The following ARHGAP18 variants were observed in gnomAD, a reference collection of about 807,000 sequenced individuals.
The protein encoded by ARHGAP18 is rho GTPase-activating protein 18.
A neutral mutation model predicts 86.2 loss-of-function variants in ARHGAP18; 67 were observed. The ratio of observed to expected loss-of-function variants is 0.78; its 90% CI spans 0.64 to 0.95. ARHGAP18 has a LOEUF of 0.95. ARHGAP18 is among the 40% of genes least tolerant of loss of function. The pLI is 0.00. For synonymous variants in ARHGAP18, 283 were observed against 280.4 expected (o/e 1.01, Z -0.09); for missense variants, 691 against 780.4 (o/e 0.89, Z 1.37).
intron 1 of ARHGAP18, among the ~76,000 whole-genome samples, chr6:129,660,928 A>G (rs2114518897): frequency 6.6e-6 from 1 of 152,054 alleles, no homozygotes; most frequent in East Asian, 1.9e-4. Flanking sequence ...GAATCATCAT[A>G]AAGGTCTACA....
chr6:129,631,288 C>T (rs957965256), intron 4 of ARHGAP18, among the ~76,000 whole-genome samples: 132 of 152,048 alleles, frequency 8.7e-4, no homozygotes, highest in African/African-American at 2.8e-3. Context: ...CAATAAATAC[C>T]CCCACACTCA....
rs567300299 is a variant in ARHGAP18, at chr6:129,677,156, G to C, written c.113+32868C>G. On this transcript the variant is annotated intron_variant, in intron 1 of 14. Coordinates refer to ENST00000368149, the MANE Select transcript of ARHGAP18 (RefSeq NM_033515.3). ...GCCTGTAATCCCAGCACTTTGGGAG[G>C]CCGAAGCAGGCGGATCACGAGGTCA... 3.4e-3 allele frequency among the ~76,000 whole-genome samples: 511 copies of C among 152,138 alleles called. 5 individuals are homozygous for C. Among genetic ancestry groups the C allele is most frequent in the African/African-American group, 0.012 (483 of 41,542 alleles).
chr6:129,578,685 T>G (rs1389868211), intron 14 of ARHGAP18, 81 bp from the exon 15 acceptor site: 2 of 1,186,240 alleles, frequency 1.7e-6, no homozygotes, highest in Admixed American at 1.9e-5. Flanking sequence ...ATTATTTAAC[T>G]CTTAAGTCTT....
chr6:129,610,585 T>C (rs1036973150), intron 8 of ARHGAP18, among the ~76,000 whole-genome samples: 1 of 152,096 alleles, frequency 6.6e-6, no homozygotes, highest in East Asian at 1.9e-4. Context: ...ATGCATAGGA[T>C]GTCAAGGTCC....
intron 7 of ARHGAP18, among the ~76,000 whole-genome samples, chr6:129,612,876 G>A (rs762655116): frequency 3.3e-5 from 5 of 152,118 alleles, no homozygotes; most frequent in South Asian, 2.1e-4. Flanking sequence ...TTCTCCTAAG[G>A]ATTTATTATT....
intron 14 of ARHGAP18, 22 bp from the exon 15 acceptor site, chr6:129,578,626 C>A: frequency 6.4e-7 from 1 of 1,560,984 alleles, no homozygotes; most frequent in South Asian, 1.1e-5. Flanking sequence ...GATGTTGTGT[C>A]AGTTTAATAC....
chr6:129,682,890 A>G (rs1562723290), intron 1 of ARHGAP18, among the ~76,000 whole-genome samples: 2 of 152,164 alleles, frequency 1.3e-5, no homozygotes, highest in Non-Finnish European at 2.9e-5. Flanking sequence ...AAACCATATA[A>G]TACATTTTAA....
Position 129,605,874 on chromosome 6 carries a change from G to C in ARHGAP18, c.1365+3C>G, listed in dbSNP as rs1351767396. On this transcript the variant is annotated splice_donor_region_variant and intron_variant, in intron 10 of 14. Coordinates refer to ENST00000368149, the MANE Select transcript of ARHGAP18 (RefSeq NM_033515.3). ...ATATTTAATGTAAATTAACCAAGCT[G>C]ACCTTCAGTGTGTCCCTGTTTGCAT... is the stretch of plus-strand genomic sequence containing the variant. The C allele has an allele frequency of 3.1e-6, 5 of 1,611,830 alleles. No individual in the cohort carries two copies. Among genetic ancestry groups the C allele is most frequent in the African/African-American group, 1.3e-5 (1 of 74,812 alleles).
intron 5 of ARHGAP18, among the ~76,000 whole-genome samples, chr6:129,622,305 A>C (rs193103159): frequency 3.2e-4 from 48 of 152,052 alleles, no homozygotes; most frequent in African/African-American, 1.0e-3. Context: ...TAATTGCTTC[A>C]TTTTCTGAAT....
chr6:129,659,329 C>A (rs944243895), intron 1 of ARHGAP18, among the ~76,000 whole-genome samples: 1 of 152,190 alleles, frequency 6.6e-6, no homozygotes, highest in Admixed American at 6.5e-5. Context: ...CAAGTTAATG[C>A]CTGTTTATCT....
In ARHGAP18 at chr6:129,625,365, AT is replaced by A. The variant is rs1251020141; in HGVS notation, c.786+3987del. ...TTTATATGTAATATATATTATGTAT[AT>A]TTATATATATTATATATTATATATT... On this transcript the variant is annotated intron_variant, in intron 5 of 14. Coordinates refer to ENST00000368149, the MANE Select transcript of ARHGAP18 (RefSeq NM_033515.3). Among the ~76,000 whole-genome samples the A allele has an allele frequency of 4.5e-5, 3 of 66,202 alleles. 1 individual carries two copies. The highest frequency in any genetic ancestry group is 9.7e-4 in the South Asian group (2 of 2,070). 43.4% of individuals were successfully genotyped at this position (66,202 alleles called of 152,430 possible).
intron 5 of ARHGAP18, among the ~76,000 whole-genome samples, chr6:129,622,928 G>A (rs745919228): frequency 6.8e-6 from 1 of 146,864 alleles, no homozygotes; most frequent in Non-Finnish European, 1.5e-5. Context: ...TTGAGCCCAG[G>A]AGGTGGATGT....
intron 1 of ARHGAP18, among the ~76,000 whole-genome samples, chr6:129,686,003 C>T (rs924675324): frequency 8.6e-5 from 13 of 152,036 alleles, no homozygotes; most frequent in Non-Finnish European, 1.8e-4. Context: ...TTGCCGGGGG[C>T]GGGCGGAGGG....
In ARHGAP18 at chr6:129,625,512, T is replaced by G. The variant is rs1158639345; in HGVS notation, c.786+3841A>C. Among the ~76,000 whole-genome samples, 2 of 43,008 alleles carry G rather than the reference T, an allele frequency of 4.7e-5. 1 individual carries two copies. Among genetic ancestry groups the G allele is most frequent in the Non-Finnish European group, 7.9e-5 (2 of 25,270 alleles). The allele number at this position is 43,008 out of a possible 152,430, so 28.2% of individuals were successfully genotyped here. ...TTATATATAATATATATTTTATATA[T>G]CATATATATTATAACTATACATTAT... is the stretch of plus-strand genomic sequence containing the variant. On this transcript the variant is annotated intron_variant, in intron 5 of 14. Transcript: ENST00000368149.
chr6:129,629,327 A>G (rs750449176), intron 5 of ARHGAP18, 26 bp downstream of exon 5: 2 of 1,603,488 alleles, frequency 1.2e-6, no homozygotes, highest in Non-Finnish European at 1.7e-6. Context: ...ACATATATGT[A>G]TATTTATAAA....
At chr6:129,652,210 T>C (rs572580607) in intron 1 of ARHGAP18, among the ~76,000 whole-genome samples, 1 of 152,208 alleles carries the variant, frequency 6.6e-6, no homozygotes, top group African/African-American at 2.4e-5. Flanking sequence ...TGAAGCCCCC[T>C]CGCAGTCCAT....
intron 1 of ARHGAP18, among the ~76,000 whole-genome samples, chr6:129,649,271 C>A (rs555384515): frequency 1.3e-5 from 2 of 152,200 alleles, no homozygotes; most frequent in African/African-American, 4.8e-5. Flanking sequence ...AAATAAAAGT[C>A]GCGGCCAGGT....
chr6:129,622,138 C>T (rs889863113), intron 5 of ARHGAP18, among the ~76,000 whole-genome samples: 1 of 152,146 alleles, frequency 6.6e-6, no homozygotes, highest in Non-Finnish European at 1.5e-5. Flanking sequence ...TGGAGACACA[C>T]ATCCTACAGG....
chr6:129,692,487 C>A (rs557195996), intron 1 of ARHGAP18, among the ~76,000 whole-genome samples: 98 of 152,294 alleles, frequency 6.4e-4, no homozygotes, highest in African/African-American at 2.3e-3. Context: ...GGTGGTTAAA[C>A]AGGCACAGAA....
Sources: allele counts gnomAD v4.1 joint callset (sites outside exome capture counted in the v4.1 genomes callset), GRCh38; gene constraint gnomAD v4.1.1; transcripts MANE v1.5; gene names NCBI Gene and HGNC (gene_info 2026-07-23, HGNC 2026-07-21).